The following SLC7A5 variants were observed in gnomAD, a reference collection of about 807,000 sequenced individuals.
The protein encoded by SLC7A5 is solute carrier family 7 member 5, also known as large neutral amino acids transporter small subunit 1.
A neutral mutation model predicts 50.2 loss-of-function variants in SLC7A5; 23 were observed. That is an observed-to-expected ratio of 0.46 (90% CI 0.33 to 0.65). The LOEUF is 0.65. Ranked by LOEUF, SLC7A5 falls within the 30% of genes least tolerant of loss-of-function variation. SLC7A5 has a pLI of 0.02. For missense variants in SLC7A5, 578 were observed against 684.4 expected (o/e 0.84, Z 1.73); for synonymous variants, 393 against 330.6 (o/e 1.19, Z -2.05).
chr16:87,845,598 T>C (rs1351545886), intron 2 of SLC7A5, among the ~76,000 whole-genome samples: 1 of 151,938 alleles, frequency 6.6e-6, no homozygotes, highest in Non-Finnish European at 1.5e-5. Flanking sequence ...TGTTTCGCTC[T>C]GGCCATCTAA....
At chr16:87,843,360 T>A (rs1341753613) in intron 2 of SLC7A5, among the ~76,000 whole-genome samples, 1 of 57,816 alleles carries the variant, frequency 1.7e-5, no homozygotes, top group African/African-American at 1.4e-4. Flanking sequence ...TTTTTTTTTT[T>A]TTTTTTTTTT....
rs1446512555 is a variant in SLC7A5, at chr16:87,861,610, G to A, written c.538+7275C>T. Among the ~76,000 whole-genome samples, 2 of 152,192 alleles carry A rather than the reference G, an allele frequency of 1.3e-5. No homozygotes were observed. The highest frequency in any genetic ancestry group is 2.9e-5 in the Non-Finnish European group (2 of 68,024). On this transcript the variant is annotated intron_variant, in intron 1 of 9. Coordinates refer to ENST00000261622, the MANE Select transcript of SLC7A5 (RefSeq NM_003486.7). The surrounding 1 kb of genome is among the most constrained non-coding windows in gnomAD (Gnocchi z 4.2). ...GTGCCAAGAGGTGGTCCAAGAGTGT[G>A]CCCTACCTTGGACACCCCTCTCCTG...
At position 87,860,480 on chromosome 16, in the gene SLC7A5, T is replaced by C. The variant is rs374611524; in HGVS notation, c.538+8405A>G. 1.6e-4 allele frequency among the ~76,000 whole-genome samples: 24 copies of C among 150,854 alleles called. No homozygotes were observed. In the East Asian group the frequency reaches 4.1e-3, roughly 26 times the overall value. On this transcript the variant is annotated intron_variant, in intron 1 of 9. Transcript: ENST00000261622. This position sits in a 1 kb window ranked among gnomAD's most constrained non-coding sequence, Gnocchi z 4.8. ...TCCCCGCCTTGGAGTTGTCCCGCCTTTCTCGGCAGAACCAACAAATACCTT... is the reference window on the plus strand; with the variant it reads ...TCCCCGCCTTGGAGTTGTCCCGCCTCTCTCGGCAGAACCAACAAATACCTT...
Position 87,839,811 on chromosome 16 carries a change from G to C in SLC7A5, c.830C>G (p.Ala277Gly). 1 of 1,613,870 alleles carries C rather than the reference G, an allele frequency of 6.2e-7. No homozygotes were observed. Residue 277 changes from alanine (A) to glycine (G), a missense_variant, in exon 5 of 10, where the codon GCC becomes GGC. Ala to Gly is a moderately conservative substitution (Grantham distance 60). This residue lies in a region of SLC7A5 where 465 missense variants were observed against 594.6 expected (regional missense o/e 0.78). Transcript: ENST00000261622. ...MINPYRNLPL[A>G]IIISLPIVTL... is the part of the protein sequence containing the mutation. ...CACGATGGGCAGGGAGATGATGATG[G>C]CCAGGGGCAGGTTTCTGGAAAGAAC...
At chr16:87,849,201 G>C (rs2055189806) in intron 2 of SLC7A5, among the ~76,000 whole-genome samples, 1 of 151,220 alleles carries the variant, frequency 6.6e-6, no homozygotes, top group Admixed American at 6.6e-5. Flanking sequence ...CGAGGGGAGG[G>C]GGCAGCTGCC....
chr16:87,836,491 G>A lies in SLC7A5; in HGVS notation c.1290+7C>T. The A allele has an allele frequency of 6.2e-7, 1 of 1,609,214 alleles. No homozygotes were observed. Among genetic ancestry groups the A allele is most frequent in the Non-Finnish European group, 8.5e-7 (1 of 1,179,856 alleles). On this transcript the variant is annotated splice_region_variant and intron_variant, in intron 8 of 9. Coordinates refer to ENST00000261622, the MANE Select transcript of SLC7A5 (RefSeq NM_003486.7). ...GTGCCTGGGTGAGCGGGAGGCCCCGGGCTCACCTTGATGGGCCGCTCAAGC... is the reference window on the plus strand; with the variant it reads ...GTGCCTGGGTGAGCGGGAGGCCCCGAGCTCACCTTGATGGGCCGCTCAAGC...
chr16:87,868,218 C>T (rs951676904), intron 1 of SLC7A5, among the ~76,000 whole-genome samples: 4 of 152,076 alleles, frequency 2.6e-5, no homozygotes, highest in African/African-American at 7.2e-5. Flanking sequence ...CCCACCAAAA[C>T]AGGAGCCCCA....
intron 2 of SLC7A5, among the ~76,000 whole-genome samples, chr16:87,851,318 C>T (rs1156679614): frequency 1.3e-5 from 2 of 152,190 alleles, no homozygotes; most frequent in African/African-American, 4.8e-5. Context: ...GGGTGAGGGG[C>T]GACAGCACGT....
intron 2 of SLC7A5, among the ~76,000 whole-genome samples, chr16:87,847,203 C>T (rs1301961139): frequency 2.6e-5 from 4 of 152,174 alleles, no homozygotes; most frequent in South Asian, 2.1e-4. Context: ...GTCCACGAGG[C>T]GACCCCTCCA....
intron 1 of SLC7A5, 131 bp downstream of exon 1, chr16:87,868,754 A>T (rs2055494643): frequency 3.2e-6 from 3 of 950,706 alleles, no homozygotes; most frequent in Non-Finnish European, 4.9e-6. Flanking sequence ...CAATGACCTT[A>T]GCCTAGAACT....
intron 1 of SLC7A5, among the ~76,000 whole-genome samples, chr16:87,858,873 C>A (rs1174097842): frequency 6.6e-6 from 1 of 152,250 alleles, no homozygotes; most frequent in African/African-American, 2.4e-5. Context: ...CTGTTCCAAG[C>A]TAAGGCCAGG....
chr16:87,840,142 C>T (rs2055064597), intron 4 of SLC7A5, among the ~76,000 whole-genome samples: 1 of 152,232 alleles, frequency 6.6e-6, no homozygotes, highest in Admixed American at 6.5e-5. Flanking sequence ...AAGGCTCTGC[C>T]CACGAGCTGC....
chr16:87,842,202 A>G (rs1295278129), intron 2 of SLC7A5, among the ~76,000 whole-genome samples: 2 of 152,226 alleles, frequency 1.3e-5, no homozygotes. Flanking sequence ...AATCTTGGTC[A>G]GGCTGTGGAC....
intron 2 of SLC7A5, among the ~76,000 whole-genome samples, chr16:87,849,397 G>A (rs540326450): frequency 6.6e-6 from 1 of 152,300 alleles, no homozygotes; most frequent in South Asian, 2.1e-4. Context: ...GGGAATTGCT[G>A]GGGGGAGCAC....
intron 7 of SLC7A5, among the ~76,000 whole-genome samples, chr16:87,837,067 G>A (rs2270352): frequency 0.066 from 10,061 of 152,284 alleles, 477 homozygotes; most frequent in South Asian, 0.19. Flanking sequence ...CCGTGCTCCC[G>A]AGGACCGTGC....
chr16:87,857,553 G>A (rs1306630193), intron 1 of SLC7A5, among the ~76,000 whole-genome samples: 2 of 152,208 alleles, frequency 1.3e-5, no homozygotes, highest in Non-Finnish European at 2.9e-5. Context: ...AAAGTGTTGG[G>A]ATTACAGGCG....
intron 1 of SLC7A5, among the ~76,000 whole-genome samples, chr16:87,854,657 G>A (rs1053573380): frequency 6.6e-5 from 10 of 152,246 alleles, no homozygotes; most frequent in East Asian, 1.9e-4. Flanking sequence ...GTGTGGCCGC[G>A]CCAGCCTGCG....
rs145239744 is a variant in SLC7A5 at position 87,841,797 on chromosome 16, G to A, written c.665-642C>T. ...TCTCTCCTTTGCCCTCTGAGGACAC[G>A]CGTCACTGGACTTCGTGACTGCTCC... On this transcript the variant is annotated intron_variant, in intron 2 of 9. Coordinates refer to ENST00000261622, the MANE Select transcript of SLC7A5 (RefSeq NM_003486.7). This position sits in a 1 kb window ranked among gnomAD's most constrained non-coding sequence, Gnocchi z 4.8. Among the ~76,000 whole-genome samples, 1,545 of 152,344 alleles carry A rather than the reference G, an allele frequency of 0.01. 16 individuals carry two copies. The highest frequency in any genetic ancestry group is 0.017 in the Non-Finnish European group (1,164 of 68,032).
At chr16:87,838,438 C>T (rs1039890866) in intron 6 of SLC7A5, among the ~76,000 whole-genome samples, 2 of 152,082 alleles carry the variant, frequency 1.3e-5, no homozygotes, top group African/African-American at 2.4e-5. Flanking sequence ...ACTACGGGCA[C>T]GTGCCACCAC....
Sources: gnomAD v4.1 joint callset for allele counts (sites outside exome capture counted in the v4.1 genomes callset) on GRCh38, gnomAD v4.1.1 for gene constraint, gnomAD v4.1.1 regional missense constraint, Gnocchi (gnomAD v3.1) non-coding constraint, MANE v1.5 for transcripts, NCBI Gene and HGNC (gene_info 2026-07-23, HGNC 2026-07-21) for gene names.